Variants in TBC1D4 observed in about 807,000 individuals in gnomAD.
TBC1D4 encodes the protein TBC1 domain family member 4.
In TBC1D4, 121 loss-of-function variants were observed where a neutral mutation model predicts 142.5. That is an observed-to-expected ratio of 0.85 (90% CI 0.73 to 0.99). The LOEUF (loss-of-function observed/expected upper bound fraction) is 0.99, where lower values mean the gene tolerates loss of function less well. TBC1D4 is among the 50% of genes least tolerant of loss of function. The pLI is 0.00. For missense variants in TBC1D4, 1,475 were observed against 1,606.6 expected (o/e 0.92, Z 1.40); for synonymous variants, 630 against 628.2 (o/e 1.00, Z -0.04).
intron 1 of TBC1D4, among the ~76,000 whole-genome samples, chr13:75,480,668 CCTT>C (rs1268518032): frequency 6.6e-6 from 1 of 152,208 alleles, no homozygotes; most frequent in African/African-American, 2.4e-5. Context: ...AATGTAGAAT[CCTT>C]CTTTGCAGAC....
chr13:75,288,684 A>T (rs918567542), intron 20 of TBC1D4, among the ~76,000 whole-genome samples: 3 of 152,142 alleles, frequency 2.0e-5, no homozygotes, highest in Non-Finnish European at 4.4e-5. Context: ...AATATCTATA[A>T]CATGCAACAG....
At chr13:75,288,828 G>T in intron 20 of TBC1D4, 106 bp downstream of exon 20, 1 of 1,202,566 alleles carries the variant, frequency 8.3e-7, no homozygotes, top group Non-Finnish European at 1.2e-6. Context: ...TGGGCTCTTG[G>T]TTAGCAATGG....
At chr13:75,297,267 T>G (rs1299654451) in intron 17 of TBC1D4, among the ~76,000 whole-genome samples, 1 of 152,242 alleles carries the variant, frequency 6.6e-6, no homozygotes, top group African/African-American at 2.4e-5. Context: ...AATTGATGAA[T>G]AATTTTTAAG....
At chr13:75,304,940 T>C (rs556657428) in intron 15 of TBC1D4, among the ~76,000 whole-genome samples, 33 of 152,084 alleles carry the variant, frequency 2.2e-4, no homozygotes, top group Non-Finnish European at 2.6e-4. Flanking sequence ...GAAGTAGATA[T>C]TATAGAACAA....
Position 75,448,918 on chromosome 13 carries a change from T to C in TBC1D4, c.498+32352A>G, listed in dbSNP as rs765211948. ...CAGTCTTTGAAATTATAGCAGATTA[T>C]GTGAAATTTTATAAAAGCTGCTCCA... On this transcript the variant is annotated intron_variant, in intron 1 of 20. Transcript: ENST00000377636. 4.9e-4 allele frequency among the ~76,000 whole-genome samples: 74 copies of C among 152,234 alleles called. 1 individual carries two copies. The highest frequency in any genetic ancestry group is 7.7e-4 in the East Asian group (4 of 5,194).
intron 1 of TBC1D4, among the ~76,000 whole-genome samples, chr13:75,387,574 A>T (rs1319334297): frequency 6.6e-6 from 1 of 152,238 alleles, no homozygotes; most frequent in African/African-American, 2.4e-5. Flanking sequence ...TTATCAAGAC[A>T]TCACATTCAC....
intron 5 of TBC1D4, 83 bp from the exon 6 acceptor site, chr13:75,341,670 T>C: frequency 1.9e-6 from 2 of 1,072,128 alleles, no homozygotes; most frequent in Non-Finnish European, 2.9e-6. Context: ...ACTTCACCTC[T>C]TCCCAAGCAG....
intron 1 of TBC1D4, among the ~76,000 whole-genome samples, chr13:75,430,425 C>T (rs747893206): frequency 6.6e-6 from 1 of 152,232 alleles, no homozygotes; most frequent in Non-Finnish European, 1.5e-5. Flanking sequence ...ACTGTCCCCT[C>T]GTGCCCCACC....
At chr13:75,299,216 A>C (rs1015171371) in intron 17 of TBC1D4, 114 bp downstream of exon 17, 373 of 1,556,010 alleles carry the variant, frequency 2.4e-4, no homozygotes, top group Non-Finnish European at 2.8e-4. Flanking sequence ...TCTTTACCCA[A>C]GTTCTAAGAC....
intron 1 of TBC1D4, among the ~76,000 whole-genome samples, chr13:75,394,597 CTTA>C (rs10545046): frequency 0.45 from 68,419 of 151,788 alleles, 16,029 homozygotes; most frequent in South Asian, 0.65. Context: ...AAATATAAAC[CTTA>C]TTATTAAATA....
At chr13:75,334,869 G>T (rs1265662029) in intron 8 of TBC1D4, among the ~76,000 whole-genome samples, 1 of 151,976 alleles carries the variant, frequency 6.6e-6, no homozygotes, top group African/African-American at 2.4e-5. Context: ...TCCAACACAG[G>T]GTTCATTCTA....
At chr13:75,359,265 A>C (rs1882308646) in intron 3 of TBC1D4, among the ~76,000 whole-genome samples, 1 of 152,224 alleles carries the variant, frequency 6.6e-6, no homozygotes, top group Non-Finnish European at 1.5e-5. Flanking sequence ...AAAAACATTT[A>C]AATACACAGT....
intron 3 of TBC1D4, among the ~76,000 whole-genome samples, chr13:75,357,176 T>G (rs1373274568): frequency 6.6e-6 from 1 of 152,338 alleles, no homozygotes; most frequent in East Asian, 1.9e-4. Context: ...GATTTAGAAC[T>G]AAGAAATATA....
chr13:75,326,105 C>T, intron 10 of TBC1D4, 92 bp downstream of exon 10: 1 of 1,420,610 alleles, frequency 7.0e-7, no homozygotes, highest in Non-Finnish European at 9.8e-7. Flanking sequence ...AAGTTGGCTA[C>T]AGCATAAATT....
chr13:75,335,834 C>T (rs914695526), intron 8 of TBC1D4, among the ~76,000 whole-genome samples: 2 of 152,122 alleles, frequency 1.3e-5, no homozygotes, highest in Non-Finnish European at 2.9e-5. Flanking sequence ...CCTGCAGAAC[C>T]GTGAGTCAAT....
chr13:75,326,294 G>A lies in TBC1D4; in HGVS notation c.1936C>T (p.Pro646Ser), dbSNP rs942635940. 4 of 1,614,072 alleles carry A rather than the reference G, an allele frequency of 2.5e-6. No individual in the cohort carries two copies. The highest frequency in any genetic ancestry group is 3.4e-6 in the Non-Finnish European group (4 of 1,180,026). The change falls in exon 10 of 21, where the codon CCA (proline) becomes TCA (serine). Residue 646 changes from proline to serine, a missense_variant. Coordinates refer to ENST00000377636, the MANE Select transcript of TBC1D4 (RefSeq NM_014832.5). ...FRRRAHTFSHPPSSTKRKLNL... is the reference protein window; with the variant it reads ...FRRRAHTFSHSPSSTKRKLNL... ...AGCTTTCTCTTTGTGCTTGAAGGTGGGTGGCTGAACGTGTGTGCCCGTCTT... is the reference window on the plus strand; with the variant it reads ...AGCTTTCTCTTTGTGCTTGAAGGTGAGTGGCTGAACGTGTGTGCCCGTCTT...
chr13:75,286,647 GGTCCACCTGCTGT>G lies in TBC1D4; in HGVS notation c.*132_*144del, dbSNP rs891874487. On this transcript the variant is annotated 3_prime_UTR_variant, in exon 21 of 21. Transcript: ENST00000377636. ...GATTGGCATGCTCTGATGAGCACGA[GGTCCACCTGCTGT>G]GACTAGGCGCTCAGCACCAGTATTA... is the stretch of plus-strand genomic sequence containing the variant. The G allele has an allele frequency of 1.3e-6, 1 of 797,518 alleles. No individual in the cohort carries two copies. Among genetic ancestry groups the G allele is most frequent in the African/African-American group, 1.7e-5 (1 of 57,888 alleles). 49.4% of individuals were successfully genotyped at this position (797,518 alleles called of 1,614,324 possible).
At chr13:75,335,697 C>G (rs902538869) in intron 8 of TBC1D4, among the ~76,000 whole-genome samples, 2 of 152,040 alleles carry the variant, frequency 1.3e-5, no homozygotes, top group African/African-American at 4.8e-5. Context: ...TGCAGCACCT[C>G]CTCATTCTCT....
At chr13:75,312,425 AAAG>A (rs749239717) in intron 13 of TBC1D4, among the ~76,000 whole-genome samples, 67 of 65,244 alleles carry the variant, frequency 1.0e-3, no homozygotes, top group Non-Finnish European at 3.1e-3. Context: ...GGAAAAAAAA[AAAG>A]AAAGAAAGAA....
Sources: allele counts gnomAD v4.1 joint callset (sites outside exome capture counted in the v4.1 genomes callset), GRCh38; gene constraint gnomAD v4.1.1; transcripts MANE v1.5; gene names NCBI Gene and HGNC (gene_info 2026-07-23, HGNC 2026-07-21).